Variants in ANKRD30A observed in about 807,000 individuals in gnomAD.
ANKRD30A encodes the protein ankyrin repeat domain-containing protein 30A.
A neutral mutation model predicts 166.3 loss-of-function variants in ANKRD30A; 170 were observed. The observed-to-expected ratio is 1.02, with a 90% CI of 0.90 to 1.16. ANKRD30A has a LOEUF of 1.16. ANKRD30A is among the 50% of genes most tolerant of loss of function. ANKRD30A has a pLI of 0.00. For synonymous variants in ANKRD30A, 564 were observed against 508.9 expected (o/e 1.11, Z -1.46); for missense variants, 1,630 against 1,518.0 (o/e 1.07, Z -1.23).
At chr10:37,216,531 TTA>T in intron 32 of ANKRD30A, 137 bp downstream of exon 32, 1 of 746,438 alleles carries the variant, frequency 1.3e-6, no homozygotes. Context: ...GTCAAATTCT[TTA>T]AATAATACAA....
chr10:37,203,374 A>C (rs973998646), intron 31 of ANKRD30A, among the ~76,000 whole-genome samples: 1 of 152,226 alleles, frequency 6.6e-6, no homozygotes, highest in Non-Finnish European at 1.5e-5. Context: ...AACAGAACCA[A>C]AAACAAAAAC....
At chr10:37,171,643 G>C (rs1051805092) in intron 21 of ANKRD30A, among the ~76,000 whole-genome samples, 12 of 151,632 alleles carry the variant, frequency 7.9e-5, no homozygotes, top group Non-Finnish European at 1.2e-4. Flanking sequence ...AATAACAAAT[G>C]GGCTCTTGTA....
intron 31 of ANKRD30A, among the ~76,000 whole-genome samples, chr10:37,212,544 A>T (rs1224092468): frequency 6.6e-6 from 1 of 152,216 alleles, no homozygotes; most frequent in East Asian, 1.9e-4. Flanking sequence ...GAACCAAAAA[A>T]GAGCCCGCAT....
intron 34 of ANKRD30A, among the ~76,000 whole-genome samples, chr10:37,229,336 T>A (rs1843309708): frequency 6.6e-6 from 1 of 152,016 alleles, no homozygotes; most frequent in Non-Finnish European, 1.5e-5. Context: ...ATTATTTTTT[T>A]AATGAGATGA....
At chr10:37,212,947 A>C (rs1249137870) in intron 31 of ANKRD30A, among the ~76,000 whole-genome samples, 1 of 151,840 alleles carries the variant, frequency 6.6e-6, no homozygotes, top group Non-Finnish European at 1.5e-5. Flanking sequence ...TATTATTACC[A>C]TGTATTTTTA....
chr10:37,158,690 A>G, intron 15 of ANKRD30A, 104 bp downstream of exon 15: 1 of 1,488,750 alleles, frequency 6.7e-7, no homozygotes, highest in East Asian at 2.3e-5. Flanking sequence ...TCAAAATTTG[A>G]TGGGATATTT....
At position 37,200,651 on chromosome 10, in the gene ANKRD30A, C is replaced by A. The variant is rs150130536; in HGVS notation, c.2779-584C>A. Reference sequence around the variant, plus strand: ...ATTTTTTTCTTACTGCATTTGCATTCTATTCAAGCACTTTTTTATCACCAT... The same window carrying A: ...ATTTTTTTCTTACTGCATTTGCATTATATTCAAGCACTTTTTTATCACCAT... On this transcript the variant is annotated intron_variant, in intron 30 of 35. Coordinates refer to ENST00000361713, the MANE Select transcript of ANKRD30A (RefSeq NM_052997.3). Among the ~76,000 whole-genome samples the A allele has an allele frequency of 5.5e-3, 842 of 152,154 alleles. 4 individuals carry two copies. The highest frequency in any genetic ancestry group is 0.019 in the African/African-American group (793 of 41,540).
chr10:37,192,286 C>T (rs185544942), intron 25 of ANKRD30A, among the ~76,000 whole-genome samples: 10 of 152,032 alleles, frequency 6.6e-5, no homozygotes, highest in East Asian at 1.9e-4. Context: ...TCCAGAGATC[C>T]GCCCTCCTCG....
the ANKRD30A span, among the ~76,000 whole-genome samples, chr10:37,257,066 T>G: frequency 2.0e-5 from 3 of 152,142 alleles, no homozygotes; most frequent in Non-Finnish European, 4.4e-5. Flanking sequence ...CTGGTTCTAT[T>G]TCAGAACTTG....
chr10:37,244,451 G>A, the ANKRD30A span, among the ~76,000 whole-genome samples: 3 of 152,198 alleles, frequency 2.0e-5, no homozygotes, highest in Admixed American at 2.0e-4. Context: ...CTCATAGACA[G>A]AGACCTCAGA....
Position 37,219,802 on chromosome 10 carries a change from C to T in ANKRD30A, c.4090C>T (p.His1364Tyr). 6 of 1,605,402 alleles carry T rather than the reference C, an allele frequency of 3.7e-6. No individual in the cohort carries two copies. Among genetic ancestry groups the T allele is most frequent in the Non-Finnish European group, 5.1e-6 (6 of 1,174,876 alleles). The change falls in exon 34 of 36, where the codon CAT becomes TAT. Residue 1364 changes from histidine (H) to tyrosine (Y), a missense_variant. His to Tyr is a moderately conservative substitution (Grantham distance 83). Around this residue, in one of 4 missense-constraint regions of ANKRD30A, gnomAD observed 712 missense variants for 629.3 expected, o/e 1.13. Coordinates refer to ENST00000361713, the MANE Select transcript of ANKRD30A (RefSeq NM_052997.3). ...IHFLERKMQH[H>Y]LLKEKNEEIF... is the part of the protein sequence containing the mutation. Reference sequence around the variant, plus strand: ...TTTTCTTGAGAGGAAAATGCAACATCATCTCCTAAAAGAGAAAAATGAGGA... The same window carrying T: ...TTTTCTTGAGAGGAAAATGCAACATTATCTCCTAAAAGAGAAAAATGAGGA...
At chr10:37,248,053 A>G in the ANKRD30A span, 1 of 417,534 alleles carries the variant, frequency 2.4e-6, no homozygotes, top group Non-Finnish European at 4.7e-6. Flanking sequence ...CATGTGGTAG[A>G]AGGGAACACT....
At chr10:37,216,455 C>T in intron 32 of ANKRD30A, 61 bp downstream of exon 32, 1 of 1,448,372 alleles carries the variant, frequency 6.9e-7, no homozygotes, top group East Asian at 2.3e-5. Flanking sequence ...ACGTAGGATA[C>T]TTTTTGTAAT....
chr10:37,221,241 A>G (rs567393422), intron 34 of ANKRD30A, among the ~76,000 whole-genome samples: 1 of 151,254 alleles, frequency 6.6e-6, no homozygotes, highest in South Asian at 2.1e-4. Flanking sequence ...AGCTGAATCA[A>G]TATATTTGGG....
At chr10:37,233,200 T>A (rs1843531963), downstream of ANKRD30A, among the ~76,000 whole-genome samples, 1 of 152,138 alleles carries the variant, frequency 6.6e-6, no homozygotes. Context: ...ATGATTGTTT[T>A]AATACATAAA....
chr10:37,194,343 GT>G (rs968254014), intron 27 of ANKRD30A, among the ~76,000 whole-genome samples: 1 of 151,624 alleles, frequency 6.6e-6, no homozygotes, highest in Non-Finnish European at 1.5e-5. Context: ...TCTTTCTTCA[GT>G]TTTTTTGTTT....
chr10:37,216,491 C>T (rs1467619657), intron 32 of ANKRD30A, 97 bp downstream of exon 32: 15 of 1,194,276 alleles, frequency 1.3e-5, no homozygotes, highest in African/African-American at 1.6e-5. Flanking sequence ...TGAGGTTTTA[C>T]TGGAGAAAAA....
At position 37,149,611 on chromosome 10, in the gene ANKRD30A, A is replaced by G. The variant is rs572069400; in HGVS notation, c.1544-40A>G. 4.4e-6 allele frequency: 7 copies of G among 1,600,746 alleles called. No individual in the cohort carries two copies. The East Asian group carries it at 1.3e-4, about 31-fold the overall frequency. ...GCATTCATTTGGTTGGCATTGTCAT[A>G]CTTACTTATGATTGATGATAAATCT... On this transcript the variant is annotated intron_variant, in intron 9 of 35. Transcript: ENST00000361713.
downstream of ANKRD30A, chr10:37,232,652 TTTTATATATA>T (rs1370103986): frequency 0.013 from 281 of 22,190 alleles, 12 homozygotes; most frequent in Non-Finnish European, 0.019. Flanking sequence ...GAAGCATTGG[TTTTATATATA>T]TATATATATA....
Sources: allele counts gnomAD v4.1 joint callset (sites outside exome capture counted in the v4.1 genomes callset), GRCh38; gene constraint gnomAD v4.1.1; regional missense constraint gnomAD v4.1.1; transcripts MANE v1.5; gene names NCBI Gene and HGNC (gene_info 2026-07-23, HGNC 2026-07-21).